Variants in NFYC observed in about 807,000 individuals in gnomAD.
NFYC encodes CAAT box DNA-binding protein subunit C.
NFYC carries 25 observed loss-of-function variants against 53.1 expected under a neutral mutation model. The ratio of observed to expected loss-of-function variants is 0.47; its 90% CI spans 0.34 to 0.66. The LOEUF (loss-of-function observed/expected upper bound fraction) is 0.66, where lower values mean the gene tolerates loss of function less well. NFYC is among the 30% of genes least tolerant of loss of function. The probability of loss-of-function intolerance (pLI) is 0.01; values close to 1 mark genes in which losing one functional copy is unlikely to be tolerated. For missense variants in NFYC, 260 were observed against 422.7 expected, an observed-to-expected ratio of 0.62 and a Z score of 3.38; for synonymous variants, 145 against 152.6, an observed-to-expected ratio of 0.95 and a Z score of 0.37.
At chr1:40,725,064 C>A (rs1644461737) in intron 1 of NFYC, among the ~76,000 whole-genome samples, 1 of 152,110 alleles carries the variant, frequency 6.6e-6, no homozygotes, top group African/African-American at 2.4e-5. Flanking sequence ...TATTCAGTAG[C>A]CTGCCAGTAA....
chr1:40,737,808 T>C (rs1358836195), intron 1 of NFYC, among the ~76,000 whole-genome samples: 1 of 152,162 alleles, frequency 6.6e-6, no homozygotes, highest in East Asian at 1.9e-4. Context: ...GACAGATTTG[T>C]CTGAGATTAG....
intron 1 of NFYC, among the ~76,000 whole-genome samples, chr1:40,724,935 G>A (rs1644456388): frequency 6.6e-6 from 1 of 152,184 alleles, no homozygotes; most frequent in Non-Finnish European, 1.5e-5. Flanking sequence ...TTTCCAGTAG[G>A]CACTTTGAAA....
chr1:40,731,500 G>A (rs955178203), intron 1 of NFYC, among the ~76,000 whole-genome samples: 1 of 146,238 alleles, frequency 6.8e-6, no homozygotes, highest in Non-Finnish European at 1.5e-5. Flanking sequence ...TTTGGCGGGG[G>A]CGGGGGACAG....
intron 1 of NFYC, among the ~76,000 whole-genome samples, chr1:40,698,120 T>C (rs1393050501): frequency 6.6e-6 from 1 of 152,160 alleles, no homozygotes; most frequent in Non-Finnish European, 1.5e-5. Flanking sequence ...CCCAGCACTT[T>C]GGGAGGACGA....
At chr1:40,719,489 C>G (rs1644257429) in intron 1 of NFYC, among the ~76,000 whole-genome samples, 1 of 152,186 alleles carries the variant, frequency 6.6e-6, no homozygotes, top group Non-Finnish European at 1.5e-5. Context: ...AGAAAGTGAA[C>G]TTGATCCTTT....
chr1:40,715,790 C>T (rs932284481), intron 1 of NFYC, among the ~76,000 whole-genome samples: 7 of 152,056 alleles, frequency 4.6e-5, no homozygotes, highest in Non-Finnish European at 8.8e-5. Context: ...AAGGTAAATT[C>T]CAGTATAAAG....
intron 1 of NFYC, among the ~76,000 whole-genome samples, chr1:40,705,787 C>T (rs1570331427): frequency 2.0e-5 from 3 of 152,244 alleles, no homozygotes; most frequent in Admixed American, 2.0e-4. Context: ...CACTCTGTCG[C>T]CCAGGCTGGA....
rs1437144167 is a variant in NFYC at position 40,765,068 on chromosome 1, A to G, written c.721-1528A>G. On this transcript the variant is annotated intron_variant, in intron 7 of 9. Transcript: ENST00000447388. ...TGGCTGGAGTTCTGGGGACTCCTGG[A>G]ACTAGCCACCATCAGTCTCTGTAGA... 2.0e-5 allele frequency among the ~76,000 whole-genome samples: 3 copies of G among 152,108 alleles called. No individual in the cohort carries two copies. In the South Asian group the frequency reaches 6.2e-4, roughly 31 times the overall value.
At position 40,769,410 on chromosome 1, in the gene NFYC, G is replaced by C. The variant is rs1646975236; in HGVS notation, c.883G>C (p.Gly295Arg). ...GCAGCAGTTCAGCCAGTTCACAGAT[G>C]GACAGGTAGGGTACCCAACCTGGGC... ...GQQQFSQFTD[G>R]QQLYQIQQVT... is the part of the protein sequence containing the mutation. The change falls in exon 9 of 10, where the codon GGA becomes CGA. Residue 295 changes from glycine to arginine, a missense_variant. Coordinates refer to ENST00000447388, the MANE Select transcript of NFYC (RefSeq NM_014223.5). 1 of 1,613,952 alleles carries C rather than the reference G, an allele frequency of 6.2e-7. No individual in the cohort carries two copies. The highest frequency in any genetic ancestry group is 1.7e-5 in the Admixed American group (1 of 59,992).
intron 2 of NFYC, among the ~76,000 whole-genome samples, chr1:40,744,749 A>T (rs1645523750): frequency 6.6e-6 from 1 of 152,234 alleles, no homozygotes; most frequent in Non-Finnish European, 1.5e-5. Context: ...AATCAGTATC[A>T]GGAGAAGGAG....
At chr1:40,713,970 G>C (rs1644029947) in intron 1 of NFYC, among the ~76,000 whole-genome samples, 1 of 152,182 alleles carries the variant, frequency 6.6e-6, no homozygotes, top group African/African-American at 2.4e-5. Context: ...AAGATACCTT[G>C]CCTCAGCCAG....
chr1:40,746,531 C>T (rs1004311945), intron 2 of NFYC, among the ~76,000 whole-genome samples: 7 of 152,064 alleles, frequency 4.6e-5, no homozygotes, highest in African/African-American at 1.7e-4. Context: ...ATGCAAATTC[C>T]CAGGTGAGCA....
chr1:40,704,314 G>GC (rs1397079265), intron 1 of NFYC, among the ~76,000 whole-genome samples: 1 of 152,092 alleles, frequency 6.6e-6, no homozygotes, highest in African/African-American at 2.4e-5. Context: ...TTCGTGATCT[G>GC]CCCCCCTCAG....
At chr1:40,692,408 CT>C in intron 1 of NFYC, 1 of 152,892 alleles carries the variant, frequency 6.5e-6, no homozygotes, top group Non-Finnish European at 1.5e-5. Context: ...TTCAGAGGTG[CT>C]TTTCCTGGTA....
Position 40,749,700 on chromosome 1 carries a change from C to G in NFYC, c.291+14C>G. 6.2e-7 allele frequency: 1 copy of G among 1,606,080 alleles called. No individual in the cohort carries two copies. Among genetic ancestry groups the G allele is most frequent in the South Asian group, 1.1e-5 (1 of 90,928 alleles). ...CGGACTCTACAGGTATTATTGCAGA[C>G]TTAGATTAGGAAAACTGGGGTAAGC... On this transcript the variant is annotated intron_variant, in intron 4 of 9. Coordinates refer to ENST00000447388, the MANE Select transcript of NFYC (RefSeq NM_014223.5).
chr1:40,757,151 C>A, intron 5 of NFYC: 1 of 244,198 alleles, frequency 4.1e-6, no homozygotes, highest in Non-Finnish European at 9.2e-6. Context: ...TCAGCCAGCC[C>A]AAGTGGTTCT....
intron 7 of NFYC, 24 bp downstream of exon 7, chr1:40,763,070 C>T: frequency 6.5e-7 from 1 of 1,539,054 alleles, no homozygotes; most frequent in Non-Finnish European, 8.8e-7. Context: ...TGAGGTCTGT[C>T]TTTACAACTT....
At chr1:40,769,500 C>A in intron 9 of NFYC, 85 bp downstream of exon 9, 1 of 1,173,724 alleles carries the variant, frequency 8.5e-7, no homozygotes, top group Non-Finnish European at 1.3e-6. Context: ...ATGGTTAGGG[C>A]AACTGTCCTG....
At chr1:40,763,899 A>G (rs879712137) in intron 7 of NFYC, among the ~76,000 whole-genome samples, 3 of 152,194 alleles carry the variant, frequency 2.0e-5, no homozygotes, top group Non-Finnish European at 4.4e-5. Flanking sequence ...TTAGCAGAGG[A>G]TAAGAGGGAG....
Sources: gnomAD v4.1 joint callset for allele counts (sites outside exome capture counted in the v4.1 genomes callset) on GRCh38, gnomAD v4.1.1 for gene constraint, MANE v1.5 for transcripts, NCBI Gene and HGNC (gene_info 2026-07-23, HGNC 2026-07-21) for gene names.